NELL1: variants seen among roughly 807,000 people sequenced by gnomAD.
NELL1 encodes neural EGFL like 1.
A neutral mutation model predicts 107.4 loss-of-function variants in NELL1; 76 were observed. The ratio of observed to expected loss-of-function variants is 0.71; its 90% CI spans 0.59 to 0.86. NELL1 has a LOEUF of 0.86. NELL1 is among the 40% of genes least tolerant of loss of function. The probability of loss-of-function intolerance (pLI) is 0.00; values close to 1 mark genes in which losing one functional copy is unlikely to be tolerated. For missense variants in NELL1, 1,024 were observed against 1,005.5 expected, an observed-to-expected ratio of 1.02 and a Z score of -0.25; for synonymous variants, 353 against 341.2, an observed-to-expected ratio of 1.03 and a Z score of -0.38.
intron 12 of NELL1, among the ~76,000 whole-genome samples, chr11:20,964,204 T>C (rs1005203441): frequency 6.6e-6 from 1 of 152,138 alleles, no homozygotes; most frequent in African/African-American, 2.4e-5. Flanking sequence ...AACAGGTTGG[T>C]CTTAAGTAGT....
intron 14 of NELL1, among the ~76,000 whole-genome samples, chr11:21,264,575 C>T (rs150133805): frequency 6.4e-4 from 98 of 152,086 alleles, no homozygotes; most frequent in African/African-American, 2.3e-3. Flanking sequence ...AAAGCCCCCA[C>T]TAATTTCTAG....
rs143519026 is a variant in NELL1, at chr11:20,990,435, C to T, written c.1300+29875C>T. On this transcript the variant is annotated intron_variant, in intron 12 of 19. Transcript: ENST00000357134. ...TGCCCACTTGACCATAGAAAACATACATTCTTGACATGGCAGTACCAGGAC... is the reference window on the plus strand; with the variant it reads ...TGCCCACTTGACCATAGAAAACATATATTCTTGACATGGCAGTACCAGGAC... Among the ~76,000 whole-genome samples the T allele has an allele frequency of 7.5e-3, 1,148 of 152,342 alleles. 6 individuals are homozygous for T. Among genetic ancestry groups the T allele is most frequent in the Middle Eastern group, 0.024 (7 of 294 alleles).
intron 14 of NELL1, among the ~76,000 whole-genome samples, chr11:21,365,009 C>T (rs571553811): frequency 1.3e-5 from 2 of 152,298 alleles, no homozygotes; most frequent in African/African-American, 2.4e-5. Context: ...CTGTACTTCA[C>T]CTGGCAAAAA....
chr11:21,545,123 T>C (rs1856405081), intron 16 of NELL1, among the ~76,000 whole-genome samples: 1 of 152,048 alleles, frequency 6.6e-6, no homozygotes, highest in African/African-American at 2.4e-5. Context: ...CTAAGTTAAA[T>C]GTTCCCAGTC....
chr11:20,995,676 C>G (rs1852076290), intron 12 of NELL1, among the ~76,000 whole-genome samples: 1 of 152,122 alleles, frequency 6.6e-6, no homozygotes. Flanking sequence ...TTGTTATTTC[C>G]CTTCAACCAG....
At chr11:21,443,565 TG>T (rs1160760719) in intron 15 of NELL1, among the ~76,000 whole-genome samples, 1 of 151,192 alleles carries the variant, frequency 6.6e-6, no homozygotes, top group Non-Finnish European at 1.5e-5. Flanking sequence ...AAAATGGAAA[TG>T]GGAGTTTATT....
At chr11:21,298,797 C>A (rs1474373118) in intron 14 of NELL1, among the ~76,000 whole-genome samples, 1 of 152,006 alleles carries the variant, frequency 6.6e-6, no homozygotes, top group Admixed American at 6.6e-5. Context: ...GCAGCAGCAG[C>A]AGCAACAACA....
chr11:21,266,832 TTTAA>T (rs1848645921), intron 14 of NELL1, among the ~76,000 whole-genome samples: 1 of 152,108 alleles, frequency 6.6e-6, no homozygotes, highest in African/African-American at 2.4e-5. Context: ...ATTTTAAATT[TTTAA>T]TTAATTAGAC....
chr11:21,013,094 A>G (rs904453694), intron 12 of NELL1, among the ~76,000 whole-genome samples: 1 of 152,198 alleles, frequency 6.6e-6, no homozygotes, highest in Non-Finnish European at 1.5e-5. Flanking sequence ...TTTCTGCCCA[A>G]GTTACTTTGG....
chr11:20,973,925 A>C (rs1851552515), intron 12 of NELL1, among the ~76,000 whole-genome samples: 1 of 152,214 alleles, frequency 6.6e-6, no homozygotes, highest in African/African-American at 2.4e-5. Flanking sequence ...AGCCCAGCTA[A>C]AGAAACTTGG....
intron 2 of NELL1, among the ~76,000 whole-genome samples, chr11:20,709,094 C>T (rs756921822): frequency 1.2e-4 from 18 of 152,082 alleles, no homozygotes; most frequent in East Asian, 1.2e-3. Flanking sequence ...CTGTGTGGCC[C>T]GGTTCCTGAC....
intron 15 of NELL1, among the ~76,000 whole-genome samples, chr11:21,377,822 T>C (rs1851515350): frequency 6.6e-6 from 1 of 152,092 alleles, no homozygotes; most frequent in Non-Finnish European, 1.5e-5. Flanking sequence ...AGTTTGTGTA[T>C]GTAGTGGTGT....
At chr11:20,728,866 A>C (rs1855566711) in intron 2 of NELL1, among the ~76,000 whole-genome samples, 2 of 152,108 alleles carry the variant, frequency 1.3e-5, no homozygotes, top group African/African-American at 4.8e-5. Context: ...ATTTGATATG[A>C]ATAGTGTTGA....
chr11:21,103,267 A>G (rs1449200346), intron 12 of NELL1, among the ~76,000 whole-genome samples: 1 of 152,208 alleles, frequency 6.6e-6, no homozygotes, highest in Non-Finnish European at 1.5e-5. Context: ...TTAAAGGCCT[A>G]AAGCCTGTTC....
chr11:20,986,375 G>A (rs2134250607), intron 12 of NELL1, among the ~76,000 whole-genome samples: 1 of 152,294 alleles, frequency 6.6e-6, no homozygotes, highest in East Asian at 1.9e-4. Context: ...AAGAAAGATT[G>A]CATTTTTCAG....
chr11:21,339,212 T>C (rs533812551), intron 14 of NELL1, among the ~76,000 whole-genome samples: 1 of 152,076 alleles, frequency 6.6e-6, no homozygotes, highest in East Asian at 1.9e-4. Flanking sequence ...ATGTCCCTAA[T>C]CCATTATAAG....
intron 12 of NELL1, among the ~76,000 whole-genome samples, chr11:20,981,190 A>T (rs1851741475): frequency 6.6e-6 from 1 of 152,200 alleles, no homozygotes; most frequent in South Asian, 2.1e-4. Flanking sequence ...TTGCCAGACA[A>T]ATAGGGAGAA....
At chr11:20,834,426 G>T (rs1848492462) in intron 3 of NELL1, among the ~76,000 whole-genome samples, 1 of 152,098 alleles carries the variant, frequency 6.6e-6, no homozygotes, top group African/African-American at 2.4e-5. Context: ...GTAGGTAGTT[G>T]GTTATGCAAG....
intron 14 of NELL1, among the ~76,000 whole-genome samples, chr11:21,344,616 A>G (rs1426856423): frequency 1.3e-5 from 2 of 152,192 alleles, no homozygotes; most frequent in Non-Finnish European, 2.9e-5. Flanking sequence ...GATGGTATAA[A>G]GAGGAAATAT....
Sources: allele counts gnomAD v4.1 joint callset (sites outside exome capture counted in the v4.1 genomes callset), GRCh38; gene constraint gnomAD v4.1.1; transcripts MANE v1.5; gene names NCBI Gene and HGNC (gene_info 2026-07-23, HGNC 2026-07-21).